The following MS4A4A variants were observed in gnomAD, a reference collection of about 807,000 sequenced individuals.
MS4A4A encodes membrane spanning 4-domains A4A, also known as membrane-spanning 4-domains subfamily A member 4A.
In MS4A4A, 26 loss-of-function variants were observed where a neutral mutation model predicts 28.0. That is an observed-to-expected ratio of 0.93 (90% CI 0.68 to 1.29). MS4A4A has a LOEUF of 1.29. Ranked by LOEUF, MS4A4A falls within the 50% of genes most tolerant of loss-of-function variation. The pLI, the probability that MS4A4A is intolerant of heterozygous loss-of-function variation, is 0.00. For synonymous variants in MS4A4A, 86 were observed against 100.8 expected (o/e 0.85, Z 0.88); for missense variants, 290 against 293.1 (o/e 0.99, Z 0.08).
At chr11:60,304,317 T>C (rs1368325133) in intron 5 of MS4A4A, among the ~76,000 whole-genome samples, 4 of 152,220 alleles carry the variant, frequency 2.6e-5, no homozygotes, top group African/African-American at 9.7e-5. Flanking sequence ...ACTCAGGACT[T>C]CACAGTTAAA....
rs992211248 is a variant in MS4A4A at position 60,308,256 on chromosome 11, C to A, written c.*78C>A. ...CACAAGAGCCTCACATGAGAAATTA[C>A]CAGTATCCAACTTCGATACTGATAG... On this transcript the variant is annotated 3_prime_UTR_variant, in exon 7 of 7. Transcript: ENST00000337908. 3.4e-5 allele frequency: 46 copies of A among 1,361,002 alleles called. No individual in the cohort carries two copies. The highest frequency in any genetic ancestry group is 4.6e-5 in the Non-Finnish European group (44 of 955,710). 84.3% of individuals were successfully genotyped at this position (1,361,002 alleles called of 1,614,324 possible). A position where few individuals can be genotyped will look rare whatever the true frequency, so the allele number is the denominator to read the frequency against.
chr11:60,281,991 A>G (rs1421903485), intron 1 of MS4A4A, among the ~76,000 whole-genome samples: 1 of 152,190 alleles, frequency 6.6e-6, no homozygotes, highest in Non-Finnish European at 1.5e-5. Context: ...GTTCTTGGGG[A>G]CTTCATGTGC....
intron 1 of MS4A4A, among the ~76,000 whole-genome samples, chr11:60,284,352 A>G (rs558258288): frequency 6.6e-6 from 1 of 152,346 alleles, no homozygotes; most frequent in African/African-American, 2.4e-5. Context: ...TCTGGCTTGA[A>G]GTATAAAACA....
intron 2 of MS4A4A, 151 bp from the exon 3 acceptor site, chr11:60,297,046 T>C: frequency 1.1e-6 from 1 of 876,372 alleles, no homozygotes; most frequent in Non-Finnish European, 1.8e-6. Flanking sequence ...CACGGTTATT[T>C]ATGTGAAAAA....
chr11:60,306,606 C>G lies in MS4A4A; in HGVS notation c.648+405C>G, dbSNP rs557908155. 3.3e-5 allele frequency among the ~76,000 whole-genome samples: 5 copies of G among 152,282 alleles called. 1 individual carries two copies. The South Asian group carries it at 6.2e-4, about 19-fold the overall frequency. ...AAACTGAAAGTCAACTAGTTAGTAC[C>G]TACACACAGGACTTGTATCTCATCC... On this transcript the variant is annotated intron_variant, in intron 6 of 6. Coordinates refer to ENST00000337908, the MANE Select transcript of MS4A4A (RefSeq NM_148975.3).
intron 5 of MS4A4A, among the ~76,000 whole-genome samples, chr11:60,303,551 T>C (rs143163525): frequency 6.6e-6 from 1 of 152,102 alleles, no homozygotes; most frequent in South Asian, 2.1e-4. Context: ...CTACTAAAAA[T>C]ACAAAAATTA....
intron 3 of MS4A4A, 82 bp downstream of exon 3, chr11:60,297,407 C>A (rs1285382953): frequency 4.7e-6 from 7 of 1,477,594 alleles, no homozygotes; most frequent in Middle Eastern, 3.6e-4. Context: ...CTATTCTAAC[C>A]GTATCTTGTA....
At position 60,308,260 on chromosome 11, in the gene MS4A4A, T is replaced by C. The variant is rs76673655; in HGVS notation, c.*82T>C. 1.5e-6 allele frequency: 2 copies of C among 1,316,434 alleles called. No homozygotes were observed. The highest frequency in any genetic ancestry group is 2.2e-6 in the Non-Finnish European group (2 of 915,960). The allele number at this position is 1,316,434 out of a possible 1,614,324, so 81.5% of individuals were successfully genotyped here. A position where few individuals can be genotyped will look rare whatever the true frequency, so the allele number is the denominator to read the frequency against. ...AGAGCCTCACATGAGAAATTACCAG[T>C]ATCCAACTTCGATACTGATAGACTT... On this transcript the variant is annotated 3_prime_UTR_variant, in exon 7 of 7. Transcript: ENST00000337908.
rs950019881 is a variant in MS4A4A at position 60,285,694 on chromosome 11, A to G, written c.41+4978A>G. On this transcript the variant is annotated intron_variant, in intron 1 of 6. Transcript: ENST00000337908. ...CAGCAAGTTTTTATTAGGGATTTCA[A>G]AAGACGAGGAATGTACAAATAGGGA... is the stretch of plus-strand genomic sequence containing the variant. Among the ~76,000 whole-genome samples the G allele has an allele frequency of 5.9e-5, 9 of 152,176 alleles. No homozygotes were observed. The East Asian group carries it at 1.7e-3, about 29-fold the overall frequency.
Position 60,308,651 on chromosome 11 carries a change from G to A in MS4A4A, c.*473G>A. On this transcript the variant is annotated 3_prime_UTR_variant, in exon 7 of 7. Coordinates refer to ENST00000337908, the MANE Select transcript of MS4A4A (RefSeq NM_148975.3). The stretch of plus-strand genomic sequence containing the variant: ...GGGGACCAAAGTGCTTTTTCCTTCA[G>A]GAAGTGGAGATGCATGGCCATCTCC... 6.5e-6 allele frequency: 1 copy of A among 152,940 alleles called. No homozygotes were observed. The highest frequency in any genetic ancestry group is 1.5e-5 in the Non-Finnish European group (1 of 68,732). 9.5% of individuals were successfully genotyped at this position (152,940 alleles called of 1,614,324 possible).
chr11:60,302,781 G>T (rs1313314664), intron 5 of MS4A4A, 64 bp downstream of exon 5: 3 of 1,444,918 alleles, frequency 2.1e-6, no homozygotes, highest in African/African-American at 2.8e-5. Context: ...GCTGGCTCTG[G>T]CAAAGACAAT....
In MS4A4A at chr11:60,291,328, G is replaced by C. The variant is rs184043680; in HGVS notation, c.42-897G>C. ...GAGAGCCATAAGTTTCATTCCCAAA[G>C]TTCAGAGTTTGTGGCACAAAATACA... On this transcript the variant is annotated intron_variant, in intron 1 of 6. Transcript: ENST00000337908. Among the ~76,000 whole-genome samples the C allele has an allele frequency of 4.8e-3, 738 of 152,206 alleles. 24 individuals carry two copies. The highest frequency in any genetic ancestry group is 7.5e-4 in the Non-Finnish European group (51 of 67,986).
At chr11:60,287,844 G>C (rs554410719) in intron 1 of MS4A4A, among the ~76,000 whole-genome samples, 1 of 152,176 alleles carries the variant, frequency 6.6e-6, no homozygotes, top group Non-Finnish European at 1.5e-5. Flanking sequence ...CAAGAAAAAG[G>C]TGTAAGTGGT....
intron 2 of MS4A4A, among the ~76,000 whole-genome samples, chr11:60,296,652 T>C (rs1229306214): frequency 2.0e-5 from 3 of 152,138 alleles, no homozygotes; most frequent in Non-Finnish European, 2.9e-5. Flanking sequence ...CCCATAAATT[T>C]TGATAAGTTG....
chr11:60,287,909 G>A (rs1320458282), intron 1 of MS4A4A, among the ~76,000 whole-genome samples: 1 of 152,216 alleles, frequency 6.6e-6, no homozygotes, highest in African/African-American at 2.4e-5. Context: ...TAAATCTGGA[G>A]AATAATTTCC....
chr11:60,302,407 G>A, intron 4 of MS4A4A, 152 bp from the exon 5 acceptor site: 1 of 762,482 alleles, frequency 1.3e-6, no homozygotes, highest in Non-Finnish European at 2.1e-6. Context: ...CAAGAGATTA[G>A]AGTTGAAACC....
At position 60,292,344 on chromosome 11, in the gene MS4A4A, T is replaced by A. The variant is rs1466599079; in HGVS notation, c.161T>A (p.Leu54Ter). 1.2e-5 allele frequency: 20 copies of A among 1,607,690 alleles called. No homozygotes were observed. Among genetic ancestry groups the A allele is most frequent in the Non-Finnish European group, 1.6e-5 (19 of 1,177,544 alleles). ...AVIHSHLWKG[L>*]QEKFLKGEPK... Reference sequence around the variant, plus strand: ...ATACATTCACATCTGTGGAAAGGATTGCAAGAGAAGTTCTTGAAGGGAGAA... The same window carrying A: ...ATACATTCACATCTGTGGAAAGGATAGCAAGAGAAGTTCTTGAAGGGAGAA... Residue 54 changes from leucine to a stop codon, truncating the protein, a stop_gained, in exon 2 of 7, where the codon TTG becomes TAG. Transcript: ENST00000337908. LOFTEE classifies it high-confidence loss of function.
intron 1 of MS4A4A, among the ~76,000 whole-genome samples, chr11:60,287,443 G>T (rs182843991): frequency 1.4e-3 from 213 of 152,260 alleles, no homozygotes; most frequent in African/African-American, 5.0e-3. Flanking sequence ...ATTCATGCAG[G>T]TAGAGGTCTC....
intron 3 of MS4A4A, among the ~76,000 whole-genome samples, chr11:60,299,996 A>G (rs1355346851): frequency 1.3e-5 from 2 of 152,186 alleles, no homozygotes; most frequent in Non-Finnish European, 2.9e-5. Flanking sequence ...GATTCCCTCT[A>G]GTGGTTTTAT....
Sources: gnomAD v4.1 joint callset for allele counts (sites outside exome capture counted in the v4.1 genomes callset) on GRCh38, gnomAD v4.1.1 for gene constraint, MANE v1.5 for transcripts, NCBI Gene and HGNC (gene_info 2026-07-23, HGNC 2026-07-21) for gene names.